The following ADCY8 variants were observed in gnomAD, a reference collection of about 807,000 sequenced individuals.
ADCY8 encodes the protein adenylate cyclase type 8.
A neutral mutation model predicts 119.7 loss-of-function variants in ADCY8; 51 were observed. That is an observed-to-expected ratio of 0.43 (90% CI 0.34 to 0.54). The LOEUF (loss-of-function observed/expected upper bound fraction) is 0.54, where lower values mean the gene tolerates loss of function less well. ADCY8 is among the 20% of genes least tolerant of loss of function. ADCY8 has a pLI of 0.03. For missense variants in ADCY8, 1,383 were observed against 1,598.8 expected, an observed-to-expected ratio of 0.87 and a Z score of 2.30; for synonymous variants, 665 against 651.0, an observed-to-expected ratio of 1.02 and a Z score of -0.33.
At chr8:130,949,552 T>C (rs916702342) in intron 3 of ADCY8, 2 of 152,186 alleles carry the variant, frequency 1.3e-5, no homozygotes, top group African/African-American at 4.8e-5. Flanking sequence ...CACCTATGAT[T>C]CTCTGCATGG....
chr8:131,017,922 G>C (rs1823533963), intron 1 of ADCY8, among the ~76,000 whole-genome samples: 1 of 152,100 alleles, frequency 6.6e-6, no homozygotes, highest in South Asian at 2.1e-4. Context: ...TTCCTTATCT[G>C]ATAAGCACCA....
At chr8:131,007,063 A>G (rs1428006206) in intron 1 of ADCY8, among the ~76,000 whole-genome samples, 1 of 101,760 alleles carries the variant, frequency 9.8e-6, no homozygotes, top group Admixed American at 9.2e-5. Flanking sequence ...GCACACAATA[A>G]TGAATGAATG....
rs536532027 is a variant in ADCY8 at position 130,804,085 on chromosome 8, C to A, written c.2914-3513G>T. Among the ~76,000 whole-genome samples, 6 of 152,310 alleles carry A rather than the reference C, an allele frequency of 3.9e-5. No individual in the cohort carries two copies. The East Asian group carries it at 1.2e-3, about 29-fold the overall frequency. ...TGACTGTGCAGCAGGAGTCAGAGAT[C>A]CTGCTTAAGTAAATGTGCATCCTCC... On this transcript the variant is annotated intron_variant, in intron 14 of 17. Transcript: ENST00000286355.
intron 7 of ADCY8, among the ~76,000 whole-genome samples, chr8:130,893,272 G>A (rs552526489): frequency 6.6e-6 from 1 of 152,140 alleles, no homozygotes; most frequent in South Asian, 2.1e-4. Flanking sequence ...CTCCAGCACG[G>A]ACTTCATCTC....
intron 1 of ADCY8, among the ~76,000 whole-genome samples, chr8:131,028,309 C>T (rs926340104): frequency 1.1e-4 from 16 of 152,338 alleles, no homozygotes; most frequent in South Asian, 2.1e-4. Context: ...CAAAGAGCTG[C>T]GTATCATGTC....
chr8:131,028,446 A>G lies in ADCY8; in HGVS notation c.960+10928T>C, dbSNP rs1000294748. Among the ~76,000 whole-genome samples, 6 of 152,180 alleles carry G rather than the reference A, an allele frequency of 3.9e-5. No homozygotes were observed. In the South Asian group the frequency reaches 6.2e-4, roughly 16 times the overall value. ...TTCTCAAATGAACTACCCGCCTCCA[A>G]TAGGCTGGGAAGGCTCACCCGATGA... On this transcript the variant is annotated intron_variant, in intron 1 of 17. Transcript: ENST00000286355.
intron 1 of ADCY8, among the ~76,000 whole-genome samples, chr8:131,006,804 C>T (rs1823133775): frequency 6.6e-6 from 1 of 152,130 alleles, no homozygotes; most frequent in Non-Finnish European, 1.5e-5. Flanking sequence ...TTCCAAAAGA[C>T]CTGTAATAAT....
chr8:130,837,563 A>G (rs1817027099), intron 11 of ADCY8, among the ~76,000 whole-genome samples: 1 of 152,224 alleles, frequency 6.6e-6, no homozygotes, highest in African/African-American at 2.4e-5. Context: ...ATTAGCCAAG[A>G]GCTGGAATAT....
In ADCY8 at chr8:130,992,382, CATATAT is replaced by C. The variant is rs1161136558; in HGVS notation, c.961-1846_961-1841del. Among the ~76,000 whole-genome samples the C allele has an allele frequency of 8.8e-3, 686 of 77,568 alleles. 9 individuals carry two copies. Among genetic ancestry groups the C allele is most frequent in the Middle Eastern group, 0.014 (2 of 138 alleles). 50.9% of individuals were successfully genotyped at this position (77,568 alleles called of 152,430 possible). ...TACATACATGAGCAACTGTATCTGG[CATATAT>C]ATATATATATATATATATATATATA... On this transcript the variant is annotated intron_variant, in intron 1 of 17. Transcript: ENST00000286355.
chr8:130,920,048 T>A (rs147098371), intron 5 of ADCY8, among the ~76,000 whole-genome samples: 12 of 144,300 alleles, frequency 8.3e-5, no homozygotes, highest in African/African-American at 3.1e-4. Flanking sequence ...AAGGCTGAGG[T>A]GGGAAGATCC....
intron 11 of ADCY8, among the ~76,000 whole-genome samples, chr8:130,840,471 C>T (rs922150912): frequency 4.2e-5 from 4 of 95,938 alleles, no homozygotes; most frequent in African/African-American, 8.0e-5. Flanking sequence ...AACATGTGCC[C>T]GAAGAATAAA....
chr8:131,012,423 T>C (rs1823338431), intron 1 of ADCY8, among the ~76,000 whole-genome samples: 1 of 152,114 alleles, frequency 6.6e-6, no homozygotes, highest in South Asian at 2.1e-4. Flanking sequence ...CTGTAATTTG[T>C]CCCACTAATC....
In ADCY8 at chr8:131,039,994, C is replaced by A; in HGVS notation, c.340G>T (p.Gly114Trp). The A allele has an allele frequency of 6.4e-7, 1 of 1,567,672 alleles. No individual in the cohort carries two copies. Among genetic ancestry groups the A allele is most frequent in the East Asian group, 2.4e-5 (1 of 42,440 alleles). The stretch of plus-strand genomic sequence containing the variant: ...CCGCTGCCGCTGGCACTGCCGCTCC[C>A]GCTGCGTTCCGGGAAGACTTTGGTG... ...CGTKVFPERSGSGSASGSGGG... is the reference protein window; with the variant it reads ...CGTKVFPERSWSGSASGSGGG... The change falls in exon 1 of 18, where the codon GGG (glycine) becomes TGG (tryptophan). Residue 114 changes from glycine (G) to tryptophan (W), a missense_variant. Physicochemically the swap from Gly to Trp is radical, Grantham distance 184 (BLOSUM62 -2). This residue lies in a region of ADCY8 where 455 missense variants were observed against 435.3 expected (regional missense o/e 1.05). Transcript: ENST00000286355.
chr8:130,952,479 A>G lies in ADCY8; in HGVS notation c.1111-481T>C, dbSNP rs894486573. ...ATGAGAAATCCAGGAATTAAAAATAATAACTACAAATATCCTGAGGCAGAA... is the reference window on the plus strand; with the variant it reads ...ATGAGAAATCCAGGAATTAAAAATAGTAACTACAAATATCCTGAGGCAGAA... On this transcript the variant is annotated intron_variant, in intron 2 of 17. Coordinates refer to ENST00000286355, the MANE Select transcript of ADCY8 (RefSeq NM_001115.3). 2.6e-5 allele frequency among the ~76,000 whole-genome samples: 4 copies of G among 152,346 alleles called. No individual in the cohort carries two copies. In the East Asian group the frequency reaches 7.7e-4, roughly 29 times the overall value.
At chr8:130,980,368 C>A (rs939742178) in intron 2 of ADCY8, among the ~76,000 whole-genome samples, 18 of 152,066 alleles carry the variant, frequency 1.2e-4, no homozygotes, top group Non-Finnish European at 5.9e-5. Context: ...GATGACCTAA[C>A]TAGTTTTAGA....
chr8:130,852,887 C>T (rs1052401522), intron 9 of ADCY8, among the ~76,000 whole-genome samples: 8 of 152,216 alleles, frequency 5.3e-5, no homozygotes, highest in African/African-American at 1.9e-4. Flanking sequence ...TGGATTCTTC[C>T]ATGACACCTG....
intron 2 of ADCY8, among the ~76,000 whole-genome samples, chr8:130,984,523 A>G (rs887335215): frequency 1.3e-5 from 2 of 151,560 alleles, no homozygotes; most frequent in Non-Finnish European, 2.9e-5. Flanking sequence ...GAAAGTGGAG[A>G]AAAGGGAAAT....
chr8:130,780,463 C>A lies in ADCY8; in HGVS notation c.3683G>T (p.Arg1228Leu), dbSNP rs200123429. Residue 1228 changes from arginine (R) to leucine (L), a missense_variant, in exon 18 of 18, where the codon CGG becomes CTG. Physicochemically the swap from Arg to Leu is moderately radical, Grantham distance 102 (BLOSUM62 -2). Coordinates refer to ENST00000286355, the MANE Select transcript of ADCY8 (RefSeq NM_001115.3). ...TGIIKGHYNR[R>L]TLLSPSGTEP... ...TGTGCCGCTGGGTGACAACAAAGTCCGCCGGTTGTAATGACCCTTGATGAT... is the reference window on the plus strand; with the variant it reads ...TGTGCCGCTGGGTGACAACAAAGTCAGCCGGTTGTAATGACCCTTGATGAT... 6.2e-7 allele frequency: 1 copy of A among 1,613,590 alleles called. No homozygotes were observed. The highest frequency in any genetic ancestry group is 2.2e-5 in the East Asian group (1 of 44,864).
chr8:130,989,129 T>C (rs568874484), intron 2 of ADCY8, among the ~76,000 whole-genome samples: 37 of 152,348 alleles, frequency 2.4e-4, no homozygotes, highest in African/African-American at 8.7e-4. Flanking sequence ...CCAAGGGCTA[T>C]TCAGAGAAAC....
Sources: gnomAD v4.1 joint callset for allele counts (sites outside exome capture counted in the v4.1 genomes callset) on GRCh38, gnomAD v4.1.1 for gene constraint, gnomAD v4.1.1 regional missense constraint, MANE v1.5 for transcripts, NCBI Gene and HGNC (gene_info 2026-07-23, HGNC 2026-07-21) for gene names.